FBXL17: variants seen among roughly 807,000 people sequenced by gnomAD.
FBXL17 encodes F-box/LRR-repeat protein 17.
FBXL17 carries 22 observed loss-of-function variants against 66.2 expected under a neutral mutation model. The observed-to-expected ratio is 0.33, with a 90% CI of 0.24 to 0.47. FBXL17 has a LOEUF of 0.47. Ranked by LOEUF, FBXL17 falls within the 20% of genes least tolerant of loss-of-function variation. FBXL17 has a pLI of 1.00. For synonymous variants in FBXL17, 474 were observed against 400.5 expected, an observed-to-expected ratio of 1.18 and a Z score of -2.19; for missense variants, 878 against 948.2, an observed-to-expected ratio of 0.93 and a Z score of 0.97.
chr5:108,007,139 G>A (rs952842948), intron 7 of FBXL17, among the ~76,000 whole-genome samples: 3 of 152,200 alleles, frequency 2.0e-5, no homozygotes, highest in African/African-American at 7.2e-5. Context: ...ATAGGTCACT[G>A]AATTTTCATT....
chr5:108,018,470 G>A (rs1048267715), intron 7 of FBXL17, among the ~76,000 whole-genome samples: 1 of 152,004 alleles, frequency 6.6e-6, no homozygotes, highest in East Asian at 1.9e-4. Context: ...CATTGTAGTG[G>A]GTGAAAAGAT....
At chr5:107,924,931 T>C (rs1750475008) in intron 7 of FBXL17, among the ~76,000 whole-genome samples, 1 of 152,238 alleles carries the variant, frequency 6.6e-6, no homozygotes, top group African/African-American at 2.4e-5. Context: ...TGTTATGGTA[T>C]AATGCAATGA....
intron 6 of FBXL17, among the ~76,000 whole-genome samples, chr5:108,121,031 G>A (rs73208894): frequency 5.9e-5 from 9 of 152,250 alleles, no homozygotes; most frequent in African/African-American, 1.9e-4. Context: ...AGGCTATACC[G>A]TTAAGAAAAT....
intron 8 of FBXL17, among the ~76,000 whole-genome samples, chr5:107,871,349 G>A (rs953266550): frequency 6.6e-6 from 1 of 152,176 alleles, no homozygotes; most frequent in African/African-American, 2.4e-5. Context: ...AAAGAACTTG[G>A]GAGGATGGGG....
At chr5:108,065,116 C>T (rs933664052) in intron 6 of FBXL17, among the ~76,000 whole-genome samples, 5 of 151,934 alleles carry the variant, frequency 3.3e-5, no homozygotes, top group African/African-American at 9.7e-5. Flanking sequence ...TCAGAGGCAA[C>T]GAGTGAATTT....
Position 108,219,098 on chromosome 5 carries a change from T to C in FBXL17, c.1614+5023A>G, listed in dbSNP as rs558077621. Among the ~76,000 whole-genome samples the C allele has an allele frequency of 1.9e-3, 291 of 152,346 alleles. 1 individual carries two copies. The highest frequency in any genetic ancestry group is 3.2e-3 in the Non-Finnish European group (218 of 68,038). ...CCTATATTCATGAAAGATAGTGATG[T>C]TCAATTTTCTTCACTTAGAGTGTCT... On this transcript the variant is annotated intron_variant, in intron 5 of 8. Coordinates refer to ENST00000542267, the MANE Select transcript of FBXL17 (RefSeq NM_001163315.3).
At chr5:108,283,010 C>A (rs1322066060) in intron 4 of FBXL17, among the ~76,000 whole-genome samples, 1 of 150,276 alleles carries the variant, frequency 6.7e-6, no homozygotes, top group African/African-American at 2.4e-5. Flanking sequence ...TTATAGATGA[C>A]AAAAATGAGA....
intron 4 of FBXL17, among the ~76,000 whole-genome samples, chr5:108,296,200 G>A (rs1285795877): frequency 6.6e-6 from 1 of 151,730 alleles, no homozygotes; most frequent in Admixed American, 6.6e-5. Context: ...AATCAAGGCT[G>A]AATCTCAAGT....
At position 108,169,892 on chromosome 5, in the gene FBXL17, A is replaced by C. The variant is rs375356562; in HGVS notation, c.1745+16225T>G. Among the ~76,000 whole-genome samples the C allele has an allele frequency of 7.9e-5, 12 of 152,344 alleles. No homozygotes were observed. In the East Asian group the frequency reaches 1.9e-3, roughly 24 times the overall value. On this transcript the variant is annotated intron_variant, in intron 6 of 8. Coordinates refer to ENST00000542267, the MANE Select transcript of FBXL17 (RefSeq NM_001163315.3). ...ACATGCATTTAGTGAGCTTCTGTTT[A>C]GAAGCCCAAGATTGTGGAAAAGTCA...
chr5:108,087,307 C>T (rs2149925732), intron 6 of FBXL17, among the ~76,000 whole-genome samples: 1 of 152,308 alleles, frequency 6.6e-6, no homozygotes, highest in East Asian at 1.9e-4. Flanking sequence ...GACAGATGCA[C>T]TGCTCAGATC....
At chr5:108,299,816 C>T (rs984513779) in intron 4 of FBXL17, 1 of 984,654 alleles carries the variant, frequency 1.0e-6, no homozygotes, top group Non-Finnish European at 1.2e-6. Flanking sequence ...CACAATAACA[C>T]GACAAAATGT....
chr5:108,317,592 G>A (rs1759429983), intron 4 of FBXL17, among the ~76,000 whole-genome samples: 2 of 150,200 alleles, frequency 1.3e-5, no homozygotes, highest in Admixed American at 6.7e-5. Context: ...ACTCTGTTAT[G>A]GTATAAAAAT....
intron 4 of FBXL17, among the ~76,000 whole-genome samples, chr5:108,267,422 T>A (rs192522734): frequency 8.6e-4 from 131 of 152,146 alleles, no homozygotes; most frequent in African/African-American, 3.0e-3. Context: ...TGGTCTGAAA[T>A]TCTTAATTAT....
rs1192243734 is a variant in FBXL17 at position 107,859,549 on chromosome 5, A to G, written c.*2171T>C. On this transcript the variant is annotated 3_prime_UTR_variant, in exon 9 of 9. Coordinates refer to ENST00000542267, the MANE Select transcript of FBXL17 (RefSeq NM_001163315.3). ...TTTTAGAGAATAAGTGCAAGTCCCC[A>G]CCCCACCCCCACCCCCCCAAGCTAA... The G allele has an allele frequency of 1.8e-5, 2 of 112,118 alleles. No individual in the cohort carries two copies. Among genetic ancestry groups the G allele is most frequent in the African/African-American group, 6.9e-5 (2 of 29,138 alleles). The allele number at this position is 112,118 out of a possible 1,614,324, so 6.9% of individuals were successfully genotyped here.
intron 6 of FBXL17, among the ~76,000 whole-genome samples, chr5:108,036,756 G>T (rs288156): frequency 0.78 from 118,105 of 152,140 alleles, 46,226 homozygotes; most frequent in East Asian, 0.93. Flanking sequence ...GATTAGATAC[G>T]CAAAACAGGT....
intron 8 of FBXL17, chr5:107,879,486 G>GT: frequency 2.0e-6 from 2 of 985,448 alleles, no homozygotes; most frequent in South Asian, 9.4e-5. Flanking sequence ...TAGTTACAAA[G>GT]TAAGTCGCTT....
intron 4 of FBXL17, among the ~76,000 whole-genome samples, chr5:108,270,573 T>A (rs1268502699): frequency 6.6e-6 from 1 of 151,126 alleles, no homozygotes; most frequent in Non-Finnish European, 1.5e-5. Context: ...ATTTGTCTAG[T>A]AAAACCAAAG....
At chr5:108,301,396 A>C (rs531457682) in intron 4 of FBXL17, among the ~76,000 whole-genome samples, 2 of 151,898 alleles carry the variant, frequency 1.3e-5, no homozygotes, top group African/African-American at 4.8e-5. Context: ...TTAGGTCAGT[A>C]ATTTTACTAA....
chr5:107,891,307 G>A (rs1749189429), intron 7 of FBXL17, among the ~76,000 whole-genome samples: 1 of 152,166 alleles, frequency 6.6e-6, no homozygotes. Flanking sequence ...AGATAACCTT[G>A]TAGGCCATTT....
Sources: gnomAD v4.1 joint callset for allele counts (sites outside exome capture counted in the v4.1 genomes callset) on GRCh38, gnomAD v4.1.1 for gene constraint, MANE v1.5 for transcripts, NCBI Gene and HGNC (gene_info 2026-07-23, HGNC 2026-07-21) for gene names.